EML6: variants seen among roughly 807,000 people sequenced by gnomAD.
EML6 encodes echinoderm microtubule-associated protein-like 6.
In EML6, 154 loss-of-function variants were observed where a neutral mutation model predicts 240.1. The ratio of observed to expected loss-of-function variants is 0.64; its 90% CI spans 0.56 to 0.73. The LOEUF (loss-of-function observed/expected upper bound fraction) is 0.73. EML6 is among the 30% of genes least tolerant of loss of function. EML6 has a pLI of 0.00. For missense variants in EML6, 2,964 were observed against 2,474.6 expected (o/e 1.20, Z -4.20); for synonymous variants, 1,148 against 899.0 (o/e 1.28, Z -4.95).
At chr2:54,954,842 C>T (rs1676158495) in intron 32 of EML6, among the ~76,000 whole-genome samples, 1 of 152,214 alleles carries the variant, frequency 6.6e-6, no homozygotes. Context: ...TCCAATTAGT[C>T]AGAACATTAA....
At chr2:54,756,193 G>T (rs1667719002) in intron 2 of EML6, among the ~76,000 whole-genome samples, 1 of 152,110 alleles carries the variant, frequency 6.6e-6, no homozygotes, top group Non-Finnish European at 1.5e-5. Flanking sequence ...GAGGCAGAGT[G>T]GGTGAAATTT....
chr2:54,841,210 T>C (rs918382346), intron 7 of EML6, among the ~76,000 whole-genome samples: 2 of 152,256 alleles, frequency 1.3e-5, no homozygotes, highest in African/African-American at 4.8e-5. Context: ...ACCATACATC[T>C]GTCCTTCCCA....
At chr2:54,873,974 ATG>A (rs2103938673) in intron 16 of EML6, among the ~76,000 whole-genome samples, 1 of 152,206 alleles carries the variant, frequency 6.6e-6, no homozygotes, top group Non-Finnish European at 1.5e-5. Context: ...GCAAATGAGA[ATG>A]TGCATATGTG....
rs1438531986 is a variant in EML6 at position 54,899,615 on chromosome 2, A to T, written c.2983-26A>T. On this transcript the variant is annotated intron_variant, in intron 21 of 41. Transcript: ENST00000356458. ...TAGCCAAACAGCATAAGTAGAGTTT[A>T]TGTTGCCCCTTTTCCTCTCCCACAG... is the stretch of plus-strand genomic sequence containing the variant. 2.6e-6 allele frequency: 4 copies of T among 1,550,256 alleles called. No homozygotes were observed. In the African/African-American group the frequency reaches 5.5e-5, roughly 21 times the overall value.
intron 28 of EML6, among the ~76,000 whole-genome samples, chr2:54,944,184 C>A (rs548553748): frequency 6.6e-6 from 1 of 152,116 alleles, no homozygotes; most frequent in Non-Finnish European, 1.5e-5. Flanking sequence ...GTCACTGACT[C>A]CCATCTCTCA....
intron 19 of EML6, among the ~76,000 whole-genome samples, chr2:54,894,209 A>AC (rs11402642): frequency 0.36 from 54,943 of 151,318 alleles, 10,342 homozygotes; most frequent in Middle Eastern, 0.46. Flanking sequence ...CTTAGAAAAA[A>AC]AAAAAAACCT....
chr2:54,833,002 T>C (rs1668958343), intron 7 of EML6, among the ~76,000 whole-genome samples: 1 of 152,242 alleles, frequency 6.6e-6, no homozygotes, highest in Non-Finnish European at 1.5e-5. Context: ...ACACTCGAAT[T>C]CATTTCAATG....
chr2:54,927,560 C>T (rs961309142), intron 26 of EML6, among the ~76,000 whole-genome samples: 3 of 152,152 alleles, frequency 2.0e-5, no homozygotes, highest in Admixed American at 2.0e-4. Flanking sequence ...GGCTCATGAG[C>T]TGAATATGGA....
chr2:54,897,305 T>A (rs560551556), intron 21 of EML6, among the ~76,000 whole-genome samples: 93 of 152,226 alleles, frequency 6.1e-4, no homozygotes, highest in Non-Finnish European at 1.1e-3. Flanking sequence ...TTCTCTACAA[T>A]TCTATTCTTT....
intron 19 of EML6, among the ~76,000 whole-genome samples, chr2:54,894,625 T>TGGGC (rs113233860): frequency 0.022 from 3,293 of 152,282 alleles, 112 homozygotes; most frequent in African/African-American, 0.074. Context: ...GTTGGGAGAC[T>TGGGC]GGGCACAAGC....
Position 54,961,188 on chromosome 2 carries a change from T to G in EML6, c.4968+854T>G, listed in dbSNP as rs886248293. On this transcript the variant is annotated intron_variant, in intron 35 of 41. Transcript: ENST00000356458. The stretch of plus-strand genomic sequence containing the variant: ...CCTGGAAGTTATCAGGAAGTAGTTT[T>G]TTTTTTTTTTTTTTTGAGACGGAGT... 2.3e-4 allele frequency among the ~76,000 whole-genome samples: 25 copies of G among 106,692 alleles called. 8 individuals carry two copies. The highest frequency in any genetic ancestry group is 5.8e-4 in the East Asian group (2 of 3,472). The allele number at this position is 106,692 out of a possible 152,430, so 70.0% of individuals were successfully genotyped here.
chr2:54,842,697 C>G (rs2103668452), intron 7 of EML6, among the ~76,000 whole-genome samples: 1 of 152,216 alleles, frequency 6.6e-6, no homozygotes, highest in South Asian at 2.1e-4. Context: ...AAACTCACTG[C>G]CTAAACAAAT....
rs1253751027 is a variant in EML6, at chr2:54,968,209, T to A, written c.5679T>A (p.Ala1893=). The A allele has an allele frequency of 1.3e-5, 20 of 1,551,782 alleles. No individual in the cohort carries two copies. Among genetic ancestry groups the A allele is most frequent in the Non-Finnish European group, 1.7e-5 (20 of 1,147,008 alleles). Residue 1893 remains alanine (A), a synonymous_variant, in exon 40 of 42, where the codon GCT becomes GCA. Coordinates refer to ENST00000356458, the MANE Select transcript of EML6 (RefSeq NM_001039753.4). ...TCAACTGCGCATGTGTGACCCACGC[T>A]GGCCTGAACATTGTCACAGGAGATG... ...ADVNCACVTH[A]GLNIVTGDDF... is the part of the protein sequence containing the mutation.
At position 54,813,259 on chromosome 2, in the gene EML6, C is replaced by G; in HGVS notation, c.225C>G (p.Leu75=). 6.4e-7 allele frequency: 1 copy of G among 1,550,696 alleles called. No individual in the cohort carries two copies. Among genetic ancestry groups the G allele is most frequent in the Non-Finnish European group, 8.7e-7 (1 of 1,146,492 alleles). The part of the protein sequence containing the change: ...ISLALHPDKT[L]VATGQVGKEP... ...TTGCCTTACACCCAGACAAAACTCTCGTTGCAACTGGCCAAGTCGGGAAGG... is the reference window on the plus strand; with the variant it reads ...TTGCCTTACACCCAGACAAAACTCTGGTTGCAACTGGCCAAGTCGGGAAGG... The change falls in exon 3 of 42, where the codon CTC becomes CTG. Residue 75 remains leucine, a synonymous_variant. Coordinates refer to ENST00000356458, the MANE Select transcript of EML6 (RefSeq NM_001039753.4).
intron 11 of EML6, among the ~76,000 whole-genome samples, chr2:54,856,242 T>C (rs1381413304): frequency 6.6e-6 from 1 of 152,196 alleles, no homozygotes; most frequent in Non-Finnish European, 1.5e-5. Context: ...TTAGACTATA[T>C]CCTGTTTGAC....
At chr2:54,919,037 C>T (rs1674079140) in intron 26 of EML6, among the ~76,000 whole-genome samples, 1 of 152,192 alleles carries the variant, frequency 6.6e-6, no homozygotes, top group Non-Finnish European at 1.5e-5. Flanking sequence ...TTTGATGCCA[C>T]CTCTCCTGAT....
At chr2:54,788,908 C>G (rs553634388) in intron 2 of EML6, among the ~76,000 whole-genome samples, 4 of 152,278 alleles carry the variant, frequency 2.6e-5, no homozygotes, top group Non-Finnish European at 4.4e-5. Flanking sequence ...GTTCCATAGA[C>G]TTAACGCTGA....
chr2:54,892,907 T>C (rs1672552828), intron 19 of EML6, among the ~76,000 whole-genome samples: 1 of 152,246 alleles, frequency 6.6e-6, no homozygotes, highest in Non-Finnish European at 1.5e-5. Flanking sequence ...CGCCCACTCA[T>C]GAGAGTCCCT....
At chr2:54,809,517 C>T (rs1470315671) in intron 2 of EML6, among the ~76,000 whole-genome samples, 5 of 152,064 alleles carry the variant, frequency 3.3e-5, no homozygotes, top group African/African-American at 9.7e-5. Flanking sequence ...TGACTAACAG[C>T]ATGGCTGGAG....
Sources: gnomAD v4.1 joint callset for allele counts (sites outside exome capture counted in the v4.1 genomes callset) on GRCh38, gnomAD v4.1.1 for gene constraint, MANE v1.5 for transcripts, NCBI Gene and HGNC (gene_info 2026-07-23, HGNC 2026-07-21) for gene names.